TRAPPC9: variants seen among roughly 807,000 people sequenced by gnomAD.
TRAPPC9 encodes the protein IKK2 binding protein.
TRAPPC9 carries 83 observed loss-of-function variants against 124.0 expected under a neutral mutation model. That is an observed-to-expected ratio of 0.67 (90% CI 0.56 to 0.80). The LOEUF (loss-of-function observed/expected upper bound fraction) is 0.80. Among genes scored for constraint, TRAPPC9 ranks in the 30% least tolerant of loss-of-function variants. The probability of loss-of-function intolerance (pLI) is 0.00; values close to 1 mark genes in which losing one functional copy is unlikely to be tolerated. For synonymous variants in TRAPPC9, 638 were observed against 617.5 expected (o/e 1.03, Z -0.49); for missense variants, 1,302 against 1,508.3 (o/e 0.86, Z 2.27).
chr8:140,423,127 G>A (rs892502480), intron 5 of TRAPPC9, among the ~76,000 whole-genome samples: 2 of 152,052 alleles, frequency 1.3e-5, no homozygotes, highest in Admixed American at 1.3e-4. Flanking sequence ...CCCCTTCCTA[G>A]ACATACACAT....
chr8:140,443,834 T>C (rs2132658649), intron 2 of TRAPPC9, among the ~76,000 whole-genome samples: 1 of 149,306 alleles, frequency 6.7e-6, no homozygotes, highest in Non-Finnish European at 1.5e-5. Context: ...GTCAGGAGTT[T>C]GAGACCAGCC....
intron 17 of TRAPPC9, among the ~76,000 whole-genome samples, chr8:140,089,748 AGTAGGCTG>A (rs1844440139): frequency 6.6e-6 from 1 of 152,110 alleles, no homozygotes; most frequent in Non-Finnish European, 1.5e-5. Flanking sequence ...TTGATAGATG[AGTAGGCTG>A]GTAGACCTTC....
chr8:139,845,305 T>C (rs188736034), intron 21 of TRAPPC9, among the ~76,000 whole-genome samples: 25 of 152,090 alleles, frequency 1.6e-4, no homozygotes, highest in Admixed American at 1.2e-3. Flanking sequence ...TGGCAGTCAA[T>C]AGAGGCACAA....
chr8:139,999,922 G>A (rs1278864574), intron 18 of TRAPPC9, among the ~76,000 whole-genome samples: 2 of 152,142 alleles, frequency 1.3e-5, no homozygotes, highest in African/African-American at 2.4e-5. Flanking sequence ...GCAGTACTTA[G>A]AGAAAAATCC....
At chr8:139,897,763 C>T (rs570176620) in intron 20 of TRAPPC9, among the ~76,000 whole-genome samples, 2 of 152,376 alleles carry the variant, frequency 1.3e-5, no homozygotes, top group East Asian at 3.9e-4. Context: ...GCCCCCTTCC[C>T]TGTCCAGACT....
At chr8:140,446,135 A>G (rs78556795) in intron 2 of TRAPPC9, among the ~76,000 whole-genome samples, 14 of 152,260 alleles carry the variant, frequency 9.2e-5, no homozygotes, top group Admixed American at 5.9e-4. Flanking sequence ...TGTACTAAAA[A>G]TACAAAAAAC....
At chr8:140,195,444 C>T (rs2062626826) in intron 17 of TRAPPC9, among the ~76,000 whole-genome samples, 1 of 151,932 alleles carries the variant, frequency 6.6e-6, no homozygotes, top group Non-Finnish European at 1.5e-5. Flanking sequence ...CTCGACAATC[C>T]ACCGTACAGC....
rs148672270 is a variant in TRAPPC9, at chr8:139,828,763, G to A, written c.3055+57116C>T. ...CCCAGGTCTGTCTGGCTCCAGAGAC[G>A]GCACCCTAGGACTATGCCAGCAGGC... On this transcript the variant is annotated intron_variant, in intron 21 of 22. Transcript: ENST00000438773. 3.5e-3 allele frequency among the ~76,000 whole-genome samples: 529 copies of A among 152,252 alleles called. 4 individuals carry two copies. The highest frequency in any genetic ancestry group is 0.012 in the African/African-American group (513 of 41,528).
At chr8:140,080,863 T>C (rs372736067) in intron 17 of TRAPPC9, among the ~76,000 whole-genome samples, 10 of 152,030 alleles carry the variant, frequency 6.6e-5, no homozygotes, top group Non-Finnish European at 1.5e-5. Context: ...GCCAAAGAAA[T>C]AGGCACAGAA....
chr8:139,995,565 G>C (rs549844813), intron 18 of TRAPPC9, among the ~76,000 whole-genome samples: 1 of 152,232 alleles, frequency 6.6e-6, no homozygotes, highest in African/African-American at 2.4e-5. Flanking sequence ...GACACACAGA[G>C]GGGGAAGCTC....
rs550471745 is a variant in TRAPPC9 at position 139,831,635 on chromosome 8, G to A, written c.3055+54244C>T. Among the ~76,000 whole-genome samples the A allele has an allele frequency of 5.3e-5, 8 of 152,178 alleles. No homozygotes were observed. The South Asian group carries it at 1.2e-3, about 24-fold the overall frequency. ...AGCCTGTGGGAACACCCCCACCGCCGCAGCCTGTGCCAGCCTCTCCATCCA... is the reference window on the plus strand; with the variant it reads ...AGCCTGTGGGAACACCCCCACCGCCACAGCCTGTGCCAGCCTCTCCATCCA... On this transcript the variant is annotated intron_variant, in intron 21 of 22. Coordinates refer to ENST00000438773, the MANE Select transcript of TRAPPC9 (RefSeq NM_001160372.4).
intron 15 of TRAPPC9, among the ~76,000 whole-genome samples, chr8:140,274,139 C>A (rs2065044953): frequency 6.6e-6 from 1 of 152,038 alleles, no homozygotes; most frequent in Non-Finnish European, 1.5e-5. Flanking sequence ...TAGCATATAA[C>A]AATTTGCCAC....
chr8:140,113,685 A>G (rs2060824760), intron 17 of TRAPPC9, among the ~76,000 whole-genome samples: 1 of 152,092 alleles, frequency 6.6e-6, no homozygotes, highest in South Asian at 2.1e-4. Flanking sequence ...CCTACGCCCC[A>G]AGTCACAAAG....
At position 140,315,973 on chromosome 8, in the gene TRAPPC9, C is replaced by CA. The variant is rs557526743; in HGVS notation, c.1496-4600dup. On this transcript the variant is annotated intron_variant, in intron 9 of 22. Coordinates refer to ENST00000438773, the MANE Select transcript of TRAPPC9 (RefSeq NM_001160372.4). ...AAATTATTGTGTGCCACAGAGGTAA[C>CA]AAATTTCCTTATGGATTGTATCTTT... Among the ~76,000 whole-genome samples the CA allele has an allele frequency of 5.1e-3, 780 of 152,218 alleles. 7 individuals carry two copies. The highest frequency in any genetic ancestry group is 0.018 in the African/African-American group (737 of 41,534).
chr8:139,810,649 T>A (rs1458587008), intron 21 of TRAPPC9, among the ~76,000 whole-genome samples: 1 of 152,148 alleles, frequency 6.6e-6, no homozygotes, highest in African/African-American at 2.4e-5. Flanking sequence ...TTGGTAGGAC[T>A]TGGGCCAGGA....
At chr8:140,425,966 C>T (rs1176982963) in intron 5 of TRAPPC9, among the ~76,000 whole-genome samples, 5 of 152,174 alleles carry the variant, frequency 3.3e-5, no homozygotes, top group Non-Finnish European at 7.3e-5. Flanking sequence ...CCAAGATGCA[C>T]GAGGCGATGA....
chr8:140,072,819 A>C (rs1016078768), intron 17 of TRAPPC9, among the ~76,000 whole-genome samples: 1 of 152,178 alleles, frequency 6.6e-6, no homozygotes. Flanking sequence ...TGTATATCTG[A>C]CAAATTATTT....
chr8:140,339,879 G>T (rs2067145786), intron 9 of TRAPPC9, among the ~76,000 whole-genome samples: 1 of 151,940 alleles, frequency 6.6e-6, no homozygotes. Flanking sequence ...TTTTGCTCTT[G>T]TTGCCAAGGC....
At chr8:139,953,655 A>C (rs1380662215) in intron 19 of TRAPPC9, among the ~76,000 whole-genome samples, 1 of 152,240 alleles carries the variant, frequency 6.6e-6, no homozygotes, top group Non-Finnish European at 1.5e-5. Flanking sequence ...CAAATCATAA[A>C]TCTGATTAAC....
Sources: gnomAD v4.1 joint callset for allele counts (sites outside exome capture counted in the v4.1 genomes callset) on GRCh38, gnomAD v4.1.1 for gene constraint, MANE v1.5 for transcripts, NCBI Gene and HGNC (gene_info 2026-07-23, HGNC 2026-07-21) for gene names.